MXI1: variants seen among roughly 807,000 people sequenced by gnomAD.
The protein encoded by MXI1 is MAX interactor 1, dimerization protein, also known as max-interacting protein 1.
In MXI1, 18 loss-of-function variants were observed where a neutral mutation model predicts 36.9. That is an observed-to-expected ratio of 0.49 (90% CI 0.34 to 0.72). The LOEUF (loss-of-function observed/expected upper bound fraction) is 0.72, where lower values mean the gene tolerates loss of function less well. Ranked by LOEUF, MXI1 falls within the 30% of genes least tolerant of loss-of-function variation. The probability of loss-of-function intolerance (pLI) is 0.01; values close to 1 mark genes in which losing one functional copy is unlikely to be tolerated. For synonymous variants in MXI1, 160 were observed against 146.7 expected (o/e 1.09, Z -0.65); for missense variants, 304 against 379.1 (o/e 0.80, Z 1.64).
intron 3 of MXI1, among the ~76,000 whole-genome samples, chr10:110,271,411 A>G (rs1856848196): frequency 6.6e-6 from 1 of 152,220 alleles, no homozygotes; most frequent in African/African-American, 2.4e-5. Flanking sequence ...TGTTTATTTG[A>G]AAAACAGAAA....
At chr10:110,275,331 A>G (rs1418426889) in intron 3 of MXI1, among the ~76,000 whole-genome samples, 1 of 152,152 alleles carries the variant, frequency 6.6e-6, no homozygotes, top group East Asian at 1.9e-4. Context: ...AAAAGAAGGG[A>G]CCAGATGGCA....
At chr10:110,261,316 C>A (rs1856501225) in intron 3 of MXI1, among the ~76,000 whole-genome samples, 1 of 152,140 alleles carries the variant, frequency 6.6e-6, no homozygotes, top group South Asian at 2.1e-4. Flanking sequence ...GAGAGCTGTG[C>A]TGACTGGGTC....
At chr10:110,210,037 C>G (rs1854471102) in intron 1 of MXI1, among the ~76,000 whole-genome samples, 1 of 130,858 alleles carries the variant, frequency 7.6e-6, no homozygotes, top group Non-Finnish European at 1.7e-5. Flanking sequence ...CCCTGCCCCA[C>G]CCCCCACCCC....
chr10:110,268,027 C>T (rs1856735068), intron 3 of MXI1, among the ~76,000 whole-genome samples: 1 of 152,190 alleles, frequency 6.6e-6, no homozygotes, highest in African/African-American at 2.4e-5. Context: ...GAAAATTTAA[C>T]CTCCATACTC....
chr10:110,240,096 ATAGTTG>A (rs1004635183), intron 2 of MXI1, among the ~76,000 whole-genome samples: 1 of 151,478 alleles, frequency 6.6e-6, no homozygotes, highest in Admixed American at 6.6e-5. Flanking sequence ...TTATTGCACA[ATAGTTG>A]TAGTTAGTTT....
At chr10:110,224,173 A>C (rs1204230427) in intron 1 of MXI1, among the ~76,000 whole-genome samples, 1 of 151,456 alleles carries the variant, frequency 6.6e-6, no homozygotes, top group Admixed American at 6.6e-5. Flanking sequence ...GGAGGGGGAA[A>C]CTCCCCCCTC....
At chr10:110,237,673 C>CA (rs1205381752) in intron 2 of MXI1, among the ~76,000 whole-genome samples, 1 of 152,196 alleles carries the variant, frequency 6.6e-6, no homozygotes, top group Non-Finnish European at 1.5e-5. Flanking sequence ...CAGGAGTCCT[C>CA]AGGCCACTCT....
At chr10:110,258,124 T>C (rs1856381690) in intron 3 of MXI1, among the ~76,000 whole-genome samples, 1 of 152,168 alleles carries the variant, frequency 6.6e-6, no homozygotes, top group Non-Finnish European at 1.5e-5. Flanking sequence ...TTAAGAAGTA[T>C]AGTTGTGGAG....
intron 2 of MXI1, among the ~76,000 whole-genome samples, chr10:110,232,022 G>A (rs1035086960): frequency 9.9e-5 from 15 of 151,744 alleles, no homozygotes; most frequent in Admixed American, 5.9e-4. Context: ...GTGCAGTGGC[G>A]CGATCTCAGC....
chr10:110,218,319 G>A (rs558600865), intron 1 of MXI1, among the ~76,000 whole-genome samples: 48 of 152,096 alleles, frequency 3.2e-4, no homozygotes, highest in Admixed American at 2.2e-3. Context: ...GCGTGGTGGC[G>A]GGCGCCTGTA....
chr10:110,270,796 A>G (rs1034927986), intron 3 of MXI1, among the ~76,000 whole-genome samples: 1 of 152,104 alleles, frequency 6.6e-6, no homozygotes, highest in Non-Finnish European at 1.5e-5. Flanking sequence ...CTTCACTATT[A>G]AAAAAGGTGT....
chr10:110,271,576 T>G (rs562493441), intron 3 of MXI1, among the ~76,000 whole-genome samples: 28 of 152,238 alleles, frequency 1.8e-4, no homozygotes, highest in African/African-American at 5.8e-4. Flanking sequence ...AGGTGGACAT[T>G]TGGAGAGAAT....
intron 1 of MXI1, among the ~76,000 whole-genome samples, chr10:110,213,743 C>T (rs1192690152): frequency 6.6e-6 from 1 of 152,238 alleles, no homozygotes; most frequent in Non-Finnish European, 1.5e-5. Flanking sequence ...AGTAGCTGCT[C>T]ATCCATCTCT....
intron 1 of MXI1, among the ~76,000 whole-genome samples, chr10:110,209,325 G>C (rs1331924058): frequency 1.3e-5 from 2 of 152,078 alleles, no homozygotes; most frequent in Non-Finnish European, 2.9e-5. Flanking sequence ...GTGTACGTGT[G>C]CGCGTGTGTG....
chr10:110,253,969 C>T (rs1856191731), intron 3 of MXI1, among the ~76,000 whole-genome samples: 2 of 151,734 alleles, frequency 1.3e-5, no homozygotes, highest in Non-Finnish European at 2.9e-5. Flanking sequence ...TTATACTCAA[C>T]ATTGTACTGG....
At chr10:110,228,412 G>C in intron 2 of MXI1, 91 bp downstream of exon 2, 2 of 1,496,886 alleles carry the variant, frequency 1.3e-6, no homozygotes, top group Non-Finnish European at 1.8e-6. Flanking sequence ...GCACTTGATG[G>C]GTTCCTTTAC....
intron 3 of MXI1, among the ~76,000 whole-genome samples, chr10:110,267,632 G>T (rs1049268486): frequency 6.6e-6 from 1 of 152,102 alleles, no homozygotes; most frequent in Admixed American, 6.5e-5. Flanking sequence ...CATCTTTGCA[G>T]TTAAAACATT....
At chr10:110,253,895 G>A (rs1032966566) in intron 3 of MXI1, among the ~76,000 whole-genome samples, 1 of 151,984 alleles carries the variant, frequency 6.6e-6, no homozygotes, top group Non-Finnish European at 1.5e-5. Context: ...TATGGCACTT[G>A]TAATGGTGAA....
intron 3 of MXI1, among the ~76,000 whole-genome samples, chr10:110,276,190 AG>A (rs1425022707): frequency 3.9e-5 from 6 of 152,356 alleles, no homozygotes; most frequent in Admixed American, 1.3e-4. Flanking sequence ...CTATAAATTT[AG>A]GTCCTTTACT....
Sources: gnomAD v4.1 joint callset for allele counts (sites outside exome capture counted in the v4.1 genomes callset) on GRCh38, gnomAD v4.1.1 for gene constraint, MANE v1.5 for transcripts, NCBI Gene and HGNC (gene_info 2026-07-23, HGNC 2026-07-21) for gene names.